Variants in CAPN15 observed in about 807,000 individuals in gnomAD.
CAPN15 encodes the protein calpain 15.
CAPN15 carries 53 observed loss-of-function variants against 97.9 expected under a neutral mutation model. The observed-to-expected ratio is 0.54, with a 90% CI of 0.43 to 0.68. CAPN15 has a LOEUF of 0.68. CAPN15 is among the 30% of genes least tolerant of loss of function. CAPN15 has a pLI of 0.00. For synonymous variants in CAPN15, 922 were observed against 722.5 expected (o/e 1.28, Z -4.43); for missense variants, 1,592 against 1,589.8 (o/e 1.00, Z -0.02).
In CAPN15 at chr16:551,508, G is replaced by C; in HGVS notation, c.2193-4G>C. 1 of 1,608,886 alleles carries C rather than the reference G, an allele frequency of 6.2e-7. No individual in the cohort carries two copies. Among genetic ancestry groups the C allele is most frequent in the Non-Finnish European group, 8.5e-7 (1 of 1,176,938 alleles). On this transcript the variant is annotated splice_polypyrimidine_tract_variant and splice_region_variant and intron_variant, in intron 8 of 13. Transcript: ENST00000219611. ...GTTCAGATCCTCACCCCTGTGGTCTGCAGGCTTCTGCGGCTCCGAAACCCG... is the reference window on the plus strand; with the variant it reads ...GTTCAGATCCTCACCCCTGTGGTCTCCAGGCTTCTGCGGCTCCGAAACCCG...
At chr16:529,750 G>A (rs2033114211) in intron 1 of CAPN15, among the ~76,000 whole-genome samples, 1 of 152,198 alleles carries the variant, frequency 6.6e-6, no homozygotes, top group Non-Finnish European at 1.5e-5. Context: ...ACAGCTTGGG[G>A]TCTTTGAAAA....
In CAPN15 at chr16:553,677, C is replaced by A; in HGVS notation, c.*161C>A. 1.9e-6 allele frequency: 1 copy of A among 537,068 alleles called. No individual in the cohort carries two copies. The highest frequency in any genetic ancestry group is 3.2e-6 in the Non-Finnish European group (1 of 309,426). 33.3% of individuals were successfully genotyped at this position (537,068 alleles called of 1,614,324 possible). A position where few individuals can be genotyped will look rare whatever the true frequency, so the allele number is the denominator to read the frequency against. On this transcript the variant is annotated 3_prime_UTR_variant, in exon 14 of 14. Transcript: ENST00000219611. The stretch of plus-strand genomic sequence containing the variant: ...AGCTTCCCATGGGCCCCCCGCCCCC[C>A]TCCTTCCCCTCCCTGAACCCCACAG...
Position 548,103 on chromosome 16 carries a change from C to T in CAPN15, c.1265C>T (p.Thr422Ile). Residue 422 changes from threonine to isoleucine, a missense_variant, in exon 4 of 14, where the codon ACC becomes ATC. Around this residue, in one of 3 missense-constraint regions of CAPN15, gnomAD observed 883 missense variants for 776.6 expected, o/e 1.14. Transcript: ENST00000219611. ...RPGQWACPACTLLNALRAKHC... is the reference protein window; with the variant it reads ...RPGQWACPACILLNALRAKHC... Reference sequence around the variant, plus strand: ...GGCCAGTGGGCCTGCCCTGCCTGTACCCTGCTCAACGCACTGCGGGCCAAG... The same window carrying T: ...GGCCAGTGGGCCTGCCCTGCCTGTATCCTGCTCAACGCACTGCGGGCCAAG... The T allele has an allele frequency of 1.3e-6, 2 of 1,540,118 alleles. No individual in the cohort carries two copies. Among genetic ancestry groups the T allele is most frequent in the Non-Finnish European group, 1.7e-6 (2 of 1,143,814 alleles).
chr16:552,460 C>T lies in CAPN15; in HGVS notation c.2667C>T (p.Gly889=), dbSNP rs767141543. 5.0e-6 allele frequency: 8 copies of T among 1,609,668 alleles called. No homozygotes were observed. The highest frequency in any genetic ancestry group is 1.1e-5 in the South Asian group (1 of 91,078). Residue 889 remains glycine, a synonymous_variant, in exon 11 of 14, where the codon GGC becomes GGT. Transcript: ENST00000219611. The surrounding 1 kb of genome is among the most constrained non-coding windows in gnomAD (Gnocchi z 6.4). Reference sequence around the variant, plus strand: ...GCTGCGACGTCATGCTGGAGCCTGGCGAGTACGCTGTGGTGTGCTGCGCCT... The same window carrying T: ...GCTGCGACGTCATGCTGGAGCCTGGTGAGTACGCTGTGGTGTGCTGCGCCT... ...FVSCDVMLEP[G]EYAVVCCAFN... is the part of the protein sequence containing the mutation.
At position 547,601 on chromosome 16, in the gene CAPN15, C is replaced by G. The variant is rs1343539583; in HGVS notation, c.763C>G (p.Leu255Val). The G allele has an allele frequency of 1.3e-5, 21 of 1,574,238 alleles. No individual in the cohort carries two copies. The highest frequency in any genetic ancestry group is 1.7e-5 in the Non-Finnish European group (20 of 1,162,098). The change falls in exon 4 of 14, where the codon CTG becomes GTG. Residue 255 changes from leucine (L) to valine (V), a missense_variant. This residue lies in a region of CAPN15 where 883 missense variants were observed against 776.6 expected (regional missense o/e 1.14). Transcript: ENST00000219611. ...PRSRREVPPQLQPPVPEAAQP... is the reference protein window; with the variant it reads ...PRSRREVPPQVQPPVPEAAQP... The stretch of plus-strand genomic sequence containing the variant: ...CAGCCGACGCGAGGTTCCCCCCCAG[C>G]TGCAGCCACCGGTGCCTGAGGCTGC...
intron 3 of CAPN15, among the ~76,000 whole-genome samples, chr16:545,848 C>T (rs1490195547): frequency 1.3e-5 from 2 of 152,250 alleles, no homozygotes; most frequent in Admixed American, 6.5e-5. Flanking sequence ...GGGCCCAGGC[C>T]GGACGCCTGG....
chr16:531,456 T>G (rs1202229082), intron 1 of CAPN15, among the ~76,000 whole-genome samples: 1 of 151,946 alleles, frequency 6.6e-6, no homozygotes, highest in African/African-American at 2.4e-5. Flanking sequence ...CACCTCCCTG[T>G]CCCCTGTAAT....
intron 3 of CAPN15, among the ~76,000 whole-genome samples, chr16:541,382 G>A (rs925414323): frequency 3.9e-5 from 6 of 152,346 alleles, no homozygotes; most frequent in South Asian, 2.1e-4. Context: ...GGGAGGGGCC[G>A]TGTGGGGGAG....
chr16:543,116 G>A (rs915252925), intron 3 of CAPN15, among the ~76,000 whole-genome samples: 2 of 152,078 alleles, frequency 1.3e-5, no homozygotes, highest in Non-Finnish European at 2.9e-5. Context: ...TCGTGCCACC[G>A]CACTCCAGCT....
At chr16:529,668 C>G (rs988174987) in intron 1 of CAPN15, among the ~76,000 whole-genome samples, 1 of 152,118 alleles carries the variant, frequency 6.6e-6, no homozygotes, top group Non-Finnish European at 1.5e-5. Context: ...CTCTGGCCCG[C>G]GGTGTGATGC....
chr16:551,463 G>C (rs759295786), intron 8 of CAPN15, 36 bp downstream of exon 8: 1 of 1,599,942 alleles, frequency 6.3e-7, no homozygotes, highest in East Asian at 2.2e-5. Context: ...GTGGGGTGCC[G>C]GTGAGACTCG....
chr16:529,144 T>C (rs1423299785), intron 1 of CAPN15, among the ~76,000 whole-genome samples: 2 of 151,864 alleles, frequency 1.3e-5, no homozygotes, highest in Admixed American at 1.3e-4. Flanking sequence ...GCACCCCTCT[T>C]TTTCCTGCTT....
intron 1 of CAPN15, among the ~76,000 whole-genome samples, chr16:530,132 G>A (rs1401074183): frequency 6.6e-6 from 1 of 152,210 alleles, no homozygotes; most frequent in Non-Finnish European, 1.5e-5. Context: ...GGCCTCTCAT[G>A]CCCCACGCTG....
chr16:548,734 C>T (rs1384962011), intron 4 of CAPN15, among the ~76,000 whole-genome samples: 1 of 152,252 alleles, frequency 6.6e-6, no homozygotes, highest in Non-Finnish European at 1.5e-5. Flanking sequence ...AGTCGTGCTG[C>T]CACCCACTGG....
rs899765798 is a variant in CAPN15, at chr16:548,147, A to G, written c.1309A>G (p.Thr437Ala). 3.3e-6 allele frequency: 5 copies of G among 1,532,226 alleles called. No homozygotes were observed. The African/African-American group carries it at 7.0e-5, about 21-fold the overall frequency. The allele number at this position is 1,532,226 out of a possible 1,614,324, so 94.9% of individuals were successfully genotyped here. Residue 437 changes from threonine (T) to alanine (A), a missense_variant, in exon 4 of 14, where the codon ACG becomes GCG. By Grantham distance (58) the Thr-to-Ala change is moderately conservative (BLOSUM62 0). Transcript: ENST00000219611. ...LRAKHCAACHTPQLLVAQRRG... is the reference protein window; with the variant it reads ...LRAKHCAACHAPQLLVAQRRG... ...GGCCAAGCACTGCGCCGCCTGCCAC[A>G]CGCCTCAGCTCCTGGTGGCCCAGCG...
Position 531,084 on chromosome 16 carries a change from A to G in CAPN15, c.-189-2862A>G, listed in dbSNP as rs148152641. ...GGGCCATCGCTGCTTTTTAAATGTCACAGTGACTGCAGCGTCTGCTCCTCT... is the reference window on the plus strand; with the variant it reads ...GGGCCATCGCTGCTTTTTAAATGTCGCAGTGACTGCAGCGTCTGCTCCTCT... On this transcript the variant is annotated intron_variant, in intron 1 of 13. Transcript: ENST00000219611. 3.1e-3 allele frequency among the ~76,000 whole-genome samples: 471 copies of G among 152,364 alleles called. 3 individuals carry two copies. Among genetic ancestry groups the G allele is most frequent in the African/African-American group, 0.011 (452 of 41,584 alleles).
At chr16:533,291 C>G (rs1295691521) in intron 1 of CAPN15, among the ~76,000 whole-genome samples, 1 of 152,196 alleles carries the variant, frequency 6.6e-6, no homozygotes, top group Non-Finnish European at 1.5e-5. Flanking sequence ...CCATGGTGGG[C>G]CCTACACAGG....
intron 1 of CAPN15, among the ~76,000 whole-genome samples, chr16:532,752 C>CT (rs2033362706): frequency 6.6e-6 from 1 of 151,484 alleles, no homozygotes; most frequent in Non-Finnish European, 1.5e-5. Flanking sequence ...ACTCGGGAGG[C>CT]TGAGGCAGGA....
In CAPN15 at chr16:554,267, C is replaced by T. The variant is rs1476944208; in HGVS notation, c.*751C>T. The T allele has an allele frequency of 1.5e-5, 5 of 339,894 alleles. No individual in the cohort carries two copies. Among genetic ancestry groups the T allele is most frequent in the South Asian group, 4.7e-5 (2 of 42,772 alleles). 21.1% of individuals were successfully genotyped at this position (339,894 alleles called of 1,614,324 possible). On this transcript the variant is annotated 3_prime_UTR_variant, in exon 14 of 14. Transcript: ENST00000219611. ...CTGCCAGAGAGGGACCCCAGCACAT[C>T]GTGGGCACGGGCAGGGCTCAGCCGC...
Sources: gnomAD v4.1 joint callset for allele counts (sites outside exome capture counted in the v4.1 genomes callset) on GRCh38, gnomAD v4.1.1 for gene constraint, gnomAD v4.1.1 regional missense constraint, Gnocchi (gnomAD v3.1) non-coding constraint, MANE v1.5 for transcripts, NCBI Gene and HGNC (gene_info 2026-07-23, HGNC 2026-07-21) for gene names.